PCM1: variants seen among roughly 807,000 people sequenced by gnomAD.
The protein encoded by PCM1 is pericentriolar material 1 protein.
In PCM1, 157 loss-of-function variants were observed where a neutral mutation model predicts 241.9. The observed-to-expected ratio is 0.65, with a 90% CI of 0.57 to 0.74. The LOEUF is 0.74. Ranked by LOEUF, PCM1 falls within the 30% of genes least tolerant of loss-of-function variation. The pLI is 0.00. For missense variants in PCM1, 3,478 were observed against 2,360.1 expected, an observed-to-expected ratio of 1.47 and a Z score of -9.81; for synonymous variants, 1,085 against 784.9, an observed-to-expected ratio of 1.38 and a Z score of -6.39.
rs114165932 is a variant in PCM1 at position 17,957,260 on chromosome 8, C to G, written c.1647-4C>G. On this transcript the variant is annotated splice_polypyrimidine_tract_variant and splice_region_variant and intron_variant, in intron 11 of 38. Transcript: ENST00000325083. Reference sequence around the variant, plus strand: ...ATGACTTCAGGCTGTTTTCTTTCTTCTAGAAATCCACAAGTAGCTTCCACT... The same window carrying G: ...ATGACTTCAGGCTGTTTTCTTTCTTGTAGAAATCCACAAGTAGCTTCCACT... 1.0e-3 allele frequency: 1,653 copies of G among 1,576,062 alleles called. 12 individuals carry two copies. In the African/African-American group the frequency reaches 0.016, roughly 16 times the overall value.
chr8:17,952,492 G>T lies in PCM1; in HGVS notation c.1072-478G>T, dbSNP rs530076717. ...TAGAGTCAGCTCTCAGTATCTGTGG[G>T]TTCCACATCCATGGATTCAACCAAC... On this transcript the variant is annotated intron_variant, in intron 8 of 38. Coordinates refer to ENST00000325083, the MANE Select transcript of PCM1 (RefSeq NM_006197.4). Among the ~76,000 whole-genome samples the T allele has an allele frequency of 9.6e-4, 146 of 152,254 alleles. 1 individual carries two copies. Among genetic ancestry groups the T allele is most frequent in the African/African-American group, 3.5e-3 (145 of 41,552 alleles).
intron 2 of PCM1, among the ~76,000 whole-genome samples, chr8:17,931,687 C>T (rs117175094): frequency 0.017 from 2,575 of 152,180 alleles, 39 homozygotes; most frequent in South Asian, 0.043. Flanking sequence ...TTCCAATTTA[C>T]GTTTCAAAAC....
chr8:17,947,603 C>T (rs925146966), intron 7 of PCM1, among the ~76,000 whole-genome samples: 17 of 152,122 alleles, frequency 1.1e-4, no homozygotes, highest in African/African-American at 3.9e-4. Flanking sequence ...TCAGAGAGTA[C>T]CCTTAAGAGG....
chr8:17,972,964 A>G (rs1203542241), intron 23 of PCM1, among the ~76,000 whole-genome samples: 1 of 152,154 alleles, frequency 6.6e-6, no homozygotes, highest in Non-Finnish European at 1.5e-5. Flanking sequence ...AAAATTGCCA[A>G]ATGCCCACGT....
intron 23 of PCM1, among the ~76,000 whole-genome samples, chr8:17,978,139 T>G (rs3739402): frequency 0.24 from 36,722 of 151,952 alleles, 5,039 homozygotes; most frequent in African/African-American, 0.38. Flanking sequence ...TTAGATTATT[T>G]AAAAAAGAGG....
chr8:17,939,500 C>T (rs1311493220), intron 5 of PCM1, among the ~76,000 whole-genome samples, 191 bp from the exon 6 acceptor site: 1 of 151,972 alleles, frequency 6.6e-6, no homozygotes, highest in East Asian at 1.9e-4. Context: ...TTTAGTATTA[C>T]CAATTATGTC....
intron 29 of PCM1, among the ~76,000 whole-genome samples, chr8:17,999,347 C>T (rs1445547138): frequency 2.6e-5 from 4 of 152,050 alleles, no homozygotes; most frequent in Non-Finnish European, 5.9e-5. Flanking sequence ...TTCAAGGGCT[C>T]TTTAGTCAGC....
chr8:18,021,373 G>A (rs208023), intron 36 of PCM1, among the ~76,000 whole-genome samples: 107,961 of 152,018 alleles, frequency 0.71, 38,899 homozygotes, highest in African/African-American at 0.79. Flanking sequence ...TAAGATTTCT[G>A]CCACCTGCTA....
intron 36 of PCM1, among the ~76,000 whole-genome samples, chr8:18,018,836 A>G (rs1294947277): frequency 1.4e-4 from 9 of 63,054 alleles, no homozygotes; most frequent in African/African-American, 4.5e-4. Flanking sequence ...GTATATATAT[A>G]TATGTGTGTG....
At chr8:17,997,557 C>G (rs1451911081) in intron 29 of PCM1, among the ~76,000 whole-genome samples, 2 of 151,798 alleles carry the variant, frequency 1.3e-5, no homozygotes, top group African/African-American at 4.8e-5. Flanking sequence ...TTTGTCTCCT[C>G]AAGTTGTGTG....
intron 6 of PCM1, 78 bp from the exon 7 acceptor site, chr8:17,947,108 A>G (rs1450900449): frequency 5.0e-6 from 4 of 805,406 alleles, no homozygotes; most frequent in African/African-American, 3.5e-5. Flanking sequence ...ATCAATGTGT[A>G]TACTTTGCCA....
Position 18,011,842 on chromosome 8 carries a change from A to T in PCM1, c.5511+15A>T. 3 of 1,601,880 alleles carry T rather than the reference A, an allele frequency of 1.9e-6. No homozygotes were observed. The highest frequency in any genetic ancestry group is 1.3e-5 in the African/African-American group (1 of 74,298). Reference sequence around the variant, plus strand: ...ATGATGAACAGGTATTCCCGTATTGACTGACACACTTCCATCAGCCTTATT... The same window carrying T: ...ATGATGAACAGGTATTCCCGTATTGTCTGACACACTTCCATCAGCCTTATT... On this transcript the variant is annotated intron_variant, in intron 34 of 38. Coordinates refer to ENST00000325083, the MANE Select transcript of PCM1 (RefSeq NM_006197.4).
In PCM1 at chr8:18,024,272, G is replaced by T. The variant is rs527661595; in HGVS notation, c.5842-1089G>T. Among the ~76,000 whole-genome samples the T allele has an allele frequency of 2.4e-4, 36 of 152,202 alleles. 1 individual carries two copies. The highest frequency in any genetic ancestry group is 2.0e-3 in the Admixed American group (30 of 15,296). ...TCCTAGCTACTCAGGAGGCTGAGGC[G>T]GGAGGATCACTTGAGCCCAGGAGTT... On this transcript the variant is annotated intron_variant, in intron 36 of 38. Transcript: ENST00000325083.
intron 29 of PCM1, among the ~76,000 whole-genome samples, chr8:18,000,995 C>G (rs2089197478): frequency 6.6e-6 from 1 of 152,180 alleles, no homozygotes; most frequent in South Asian, 2.1e-4. Flanking sequence ...CAGCTAATTC[C>G]AGGCACAGCT....
chr8:17,948,575 T>C (rs2064812045), intron 7 of PCM1, among the ~76,000 whole-genome samples: 1 of 152,124 alleles, frequency 6.6e-6, no homozygotes, highest in Non-Finnish European at 1.5e-5. Flanking sequence ...AGTGCTGGGA[T>C]TACAGGCGTC....
intron 2 of PCM1, among the ~76,000 whole-genome samples, chr8:17,931,292 T>C (rs530019456): frequency 3.3e-5 from 5 of 152,210 alleles, no homozygotes; most frequent in Non-Finnish European, 5.9e-5. Flanking sequence ...TCTCCAGATA[T>C]ATTCTTTTTT....
intron 18 of PCM1, among the ~76,000 whole-genome samples, chr8:17,965,312 T>G (rs927763307): frequency 6.6e-6 from 1 of 152,212 alleles, no homozygotes; most frequent in East Asian, 1.9e-4. Context: ...TTGATAAAAT[T>G]GTTGACTGTT....
rs974997998 is a variant in PCM1, at chr8:18,029,563, G to C, written c.*1901G>C. ...TCTTAGTTATTACCATAGTACCTATGAACCTTATCAAAATTGCTTATTTGA... is the reference window on the plus strand; with the variant it reads ...TCTTAGTTATTACCATAGTACCTATCAACCTTATCAAAATTGCTTATTTGA... On this transcript the variant is annotated 3_prime_UTR_variant, in exon 39 of 39. Transcript: ENST00000325083. The C allele has an allele frequency of 4.3e-5, 8 of 186,572 alleles. No individual in the cohort carries two copies. The highest frequency in any genetic ancestry group is 9.0e-5 in the Non-Finnish European group (8 of 88,798). 11.6% of individuals were successfully genotyped at this position (186,572 alleles called of 1,614,324 possible).
Position 17,962,174 on chromosome 8 carries a change from G to A in PCM1, c.2463G>A (p.Glu821=), listed in dbSNP as rs2072590370. 1.3e-6 allele frequency: 2 copies of A among 1,599,352 alleles called. No homozygotes were observed. The highest frequency in any genetic ancestry group is 2.2e-5 in the East Asian group (1 of 44,602). Residue 821 remains glutamate (E), a splice_region_variant and synonymous_variant, in exon 16 of 39, where the codon GAG becomes GAA. Transcript: ENST00000325083. ...EPEDSSIVDN[E]LWSEMRRHEM... is the part of the protein sequence containing the mutation. ...AAGATTCTTCAATAGTAGATAATGAGGTATTGTAAATTGTACTCTCTTGTT... is the reference window on the plus strand; with the variant it reads ...AAGATTCTTCAATAGTAGATAATGAAGTATTGTAAATTGTACTCTCTTGTT...
Sources: gnomAD v4.1 joint callset for allele counts (sites outside exome capture counted in the v4.1 genomes callset) on GRCh38, gnomAD v4.1.1 for gene constraint, MANE v1.5 for transcripts, NCBI Gene and HGNC (gene_info 2026-07-23, HGNC 2026-07-21) for gene names.